Variants in GABRE observed in about 807,000 individuals in gnomAD.
The protein encoded by GABRE is gamma-aminobutyric acid type A receptor subunit epsilon.
GABRE carries 20 observed loss-of-function variants against 31.0 expected under a neutral mutation model. That is an observed-to-expected ratio of 0.64 (90% CI 0.45 to 0.94). The LOEUF is 0.94. GABRE is among the 40% of genes least tolerant of loss of function. The pLI is 0.00. For synonymous variants in GABRE, 155 were observed against 150.6 expected (o/e 1.03, Z -0.21); for missense variants, 420 against 410.7 (o/e 1.02, Z -0.20).
chrX:151,959,650 G>T (rs1324216965), intron 6 of GABRE, 189 bp downstream of exon 6: 2 of 556,016 alleles, frequency 3.6e-6, no homozygotes, highest in African/African-American at 2.2e-5. Context: ...CTTCTTTGCA[G>T]ATGAGACTGA....
At chrX:151,963,101 G>A (rs1934431543) in intron 3 of GABRE, among the ~76,000 whole-genome samples, 4 of 112,234 alleles carry the variant, frequency 3.6e-5, no homozygotes, top group Admixed American at 1.9e-4. Flanking sequence ...GAAATGATAC[G>A]TCATTGAATC....
chrX:151,969,463 G>T, intron 3 of GABRE: 1 of 332,091 alleles, frequency 3.0e-6, no homozygotes, highest in Non-Finnish European at 5.3e-6. Flanking sequence ...ATATGGTCAT[G>T]ATTCTGAAGA....
chrX:151,959,228 T>C (rs1934277873), intron 6 of GABRE: 2 of 250,447 alleles, frequency 8.0e-6, no homozygotes, highest in Non-Finnish European at 1.5e-5. Flanking sequence ...CTTTAGTCTT[T>C]GTCAGAGAAA....
chrX:151,956,110 T>C, intron 6 of GABRE: 1 of 364,704 alleles, frequency 2.7e-6, no homozygotes, highest in South Asian at 6.9e-5. Flanking sequence ...TTCACTGTCC[T>C]ACACCCAATG....
chrX:151,973,677 C>T (rs1375085602), intron 1 of GABRE, among the ~76,000 whole-genome samples: 2 of 111,438 alleles, frequency 1.8e-5, no homozygotes, highest in African/African-American at 3.3e-5. Context: ...AACAACAAAA[C>T]GAAGCAGTCA....
At chrX:151,961,503 T>A in intron 4 of GABRE, 138 bp from the exon 5 acceptor site, 1 of 451,108 alleles carries the variant, frequency 2.2e-6, no homozygotes, top group Non-Finnish European at 3.9e-6. Flanking sequence ...TCTCACTCTG[T>A]CACCCAGGCT....
chrX:151,955,012 C>T lies in GABRE; in HGVS notation c.1210G>A (p.Ala404Thr). The change falls in exon 9 of 9, where the codon GCT becomes ACT. Residue 404 changes from alanine (A) to threonine (T), a missense_variant. Ala to Thr is a moderately conservative substitution (Grantham distance 58). Transcript: ENST00000370328. ...SRACARQHQEAFVCQIVTTEG... is the reference protein window; with the variant it reads ...SRACARQHQETFVCQIVTTEG... Reference sequence around the variant, plus strand: ...GTGGTGACAATCTGGCACACAAAAGCTTCCTGATGTTGGCGGGCACAGGCT... The same window carrying T: ...GTGGTGACAATCTGGCACACAAAAGTTTCCTGATGTTGGCGGGCACAGGCT... 1 of 1,205,616 alleles carries T rather than the reference C, an allele frequency of 8.3e-7. No individual in the cohort carries two copies. Among genetic ancestry groups the T allele is most frequent in the African/African-American group, 1.7e-5 (1 of 57,745 alleles).
In GABRE at chrX:151,954,706, A is replaced by G; in HGVS notation, c.1516T>C (p.Leu506=). The change falls in exon 9 of 9, where the codon TTG becomes CTG. Residue 506 remains leucine (L), a synonymous_variant. Coordinates refer to ENST00000370328, the MANE Select transcript of GABRE (RefSeq NM_004961.4). The part of the protein sequence containing the change: ...NVLYWLVCLN[L] ...CACAGGGTACCAGCTGGTACCTACAAGTTAAGGCAAACAAGCCAGTAGAGC... is the reference window on the plus strand; with the variant it reads ...CACAGGGTACCAGCTGGTACCTACAGGTTAAGGCAAACAAGCCAGTAGAGC... The G allele has an allele frequency of 8.4e-7, 1 of 1,194,336 alleles. No homozygotes were observed. Among genetic ancestry groups the G allele is most frequent in the African/African-American group, 1.7e-5 (1 of 57,408 alleles).
chrX:151,970,130 A>C, intron 2 of GABRE, 55 bp downstream of exon 2: 1 of 1,199,115 alleles, frequency 8.3e-7, no homozygotes, highest in South Asian at 1.8e-5. Flanking sequence ...CTCCATGCCT[A>C]TGCCCTCAAC....
At chrX:151,974,504 C>T in intron 1 of GABRE, 66 bp downstream of exon 1, 1 of 782,407 alleles carries the variant, frequency 1.3e-6, no homozygotes, top group Non-Finnish European at 1.8e-6. Context: ...TCCCGGGAGC[C>T]GTCCCGGCTC....
At chrX:151,968,581 G>A (rs192090684) in intron 3 of GABRE, among the ~76,000 whole-genome samples, 94 of 111,616 alleles carry the variant, frequency 8.4e-4, no homozygotes, top group African/African-American at 2.1e-3. Flanking sequence ...CAGTCACATG[G>A]CACTTTTTGA....
intron 5 of GABRE, 24 bp downstream of exon 5, chrX:151,961,259 C>G (rs1370046728): frequency 8.9e-7 from 1 of 1,125,410 alleles, no homozygotes; most frequent in South Asian, 1.9e-5. Flanking sequence ...TTCTGGGGCC[C>G]CAGAAACTTA....
In GABRE at chrX:151,959,887, C is replaced by G; in HGVS notation, c.736G>C (p.Asp246His). 1 of 1,210,594 alleles carries G rather than the reference C, an allele frequency of 8.3e-7. No individual in the cohort carries two copies. Among genetic ancestry groups the G allele is most frequent in the Admixed American group, 2.2e-5 (1 of 46,015 alleles). ...EKNSWKLFQF[D>H]FTGVSNKTEI... is the part of the protein sequence containing the mutation. The stretch of plus-strand genomic sequence containing the variant: ...GTTTTGTTGCTCACTCCTGTAAAAT[C>G]AAACTGGAAGAGCTTCCAGGAGTTC... Residue 246 changes from aspartate (D) to histidine (H), a missense_variant, in exon 6 of 9, where the codon GAT becomes CAT. By Grantham distance (81) the Asp-to-His change is moderately conservative (BLOSUM62 -1). Coordinates refer to ENST00000370328, the MANE Select transcript of GABRE (RefSeq NM_004961.4).
chrX:151,955,986 C>T (rs1272158308), intron 6 of GABRE, 126 bp from the exon 7 acceptor site: 5 of 629,823 alleles, frequency 7.9e-6, no homozygotes, highest in Non-Finnish European at 1.2e-5. Flanking sequence ...CATGATGTGA[C>T]AATGCAATAC....
rs1256339304 is a variant in GABRE, at chrX:151,959,969, A to G, written c.654T>C (p.Tyr218=). The change falls in exon 6 of 9, where the codon TAT becomes TAC. Residue 218 remains tyrosine (Y), a synonymous_variant. Transcript: ENST00000370328. ...ACTTGTAGATCATCTCATTCTCAGG[A>G]TAGGAAACTGGAAAGGAATGTGAGA... ...SCPLSFSSFS[Y]PENEMIYKWE... The G allele has an allele frequency of 4.1e-6, 5 of 1,207,000 alleles. No individual in the cohort carries two copies. The highest frequency in any genetic ancestry group is 3.5e-5 in the African/African-American group (2 of 57,014).
chrX:151,955,438 A>C lies in GABRE; in HGVS notation c.1067T>G (p.Leu356Trp), dbSNP rs752606074. 5.0e-6 allele frequency: 6 copies of C among 1,210,550 alleles called. No homozygotes were observed. In the African/African-American group the frequency reaches 1.0e-4, roughly 21 times the overall value. ...CAGGAAGTTGAGCACAGCAAACTCC[A>C]ACAGAGCGCAGAAGCAGAAGACGAA... ...ICFVFCFCAL[L>W]EFAVLNFLIY... The change falls in exon 8 of 9, where the codon TTG (leucine) becomes TGG (tryptophan). Residue 356 changes from leucine (L) to tryptophan (W), a missense_variant. Leu to Trp is a moderately conservative substitution (Grantham distance 61). Coordinates refer to ENST00000370328, the MANE Select transcript of GABRE (RefSeq NM_004961.4).
chrX:151,969,972 T>C, intron 2 of GABRE: 1 of 1,074,967 alleles, frequency 9.3e-7, no homozygotes, highest in Non-Finnish European at 1.2e-6. Context: ...ATTTTACCAC[T>C]GGAAAAACTG....
At chrX:151,962,718 G>T in intron 3 of GABRE, 75 bp from the exon 4 acceptor site, 1 of 856,018 alleles carries the variant, frequency 1.2e-6, no homozygotes, top group African/African-American at 2.0e-5. Flanking sequence ...CATATTGTTT[G>T]CCACTCCCTA....
chrX:151,954,984 T>G lies in GABRE; in HGVS notation c.1238A>C (p.Glu413Ala). Reference protein sequence around the residue: ...EAFVCQIVTTEGSDGEERPSC... With the variant: ...EAFVCQIVTTAGSDGEERPSC... ...CGGGCGCTCCTCTCCATCACTTCCC[T>G]CAGTGGTGACAATCTGGCACACAAA... Residue 413 changes from glutamate to alanine, a missense_variant, in exon 9 of 9, where the codon GAG becomes GCG. Coordinates refer to ENST00000370328, the MANE Select transcript of GABRE (RefSeq NM_004961.4). 3 of 1,206,321 alleles carry G rather than the reference T, an allele frequency of 2.5e-6. No homozygotes were observed. Among genetic ancestry groups the G allele is most frequent in the Non-Finnish European group, 3.4e-6 (3 of 892,744 alleles).
Sources: allele counts gnomAD v4.1 joint callset (sites outside exome capture counted in the v4.1 genomes callset), GRCh38; gene constraint gnomAD v4.1.1; transcripts MANE v1.5; gene names NCBI Gene and HGNC (gene_info 2026-07-23, HGNC 2026-07-21).